MYO16: variants seen among roughly 807,000 people sequenced by gnomAD.
MYO16 encodes myosin XVI, also known as unconventional myosin-XVI.
MYO16 carries 94 observed loss-of-function variants against 205.3 expected under a neutral mutation model. That is an observed-to-expected ratio of 0.46 (90% CI 0.39 to 0.54). The LOEUF (loss-of-function observed/expected upper bound fraction) is 0.54, where lower values mean the gene tolerates loss of function less well. MYO16 is among the 20% of genes least tolerant of loss of function. The pLI, the probability that MYO16 is intolerant of heterozygous loss-of-function variation, is 0.00. For missense variants in MYO16, 2,315 were observed against 2,387.5 expected (o/e 0.97, Z 0.63); for synonymous variants, 988 against 954.0 (o/e 1.04, Z -0.66).
chr13:109,193,142 TCA>T (rs957554308), intron 34 of MYO16, among the ~76,000 whole-genome samples: 2 of 151,762 alleles, frequency 1.3e-5, no homozygotes, highest in African/African-American at 2.4e-5. Flanking sequence ...TCTCTCTCTC[TCA>T]CACACACACA....
the MYO16 span, among the ~76,000 whole-genome samples, chr13:108,579,260 G>T: frequency 6.6e-6 from 1 of 152,096 alleles, no homozygotes; most frequent in Non-Finnish European, 1.5e-5. Context: ...GTTTTCCCAT[G>T]AGTCACCATT....
At chr13:108,966,349 A>G (rs930429296) in intron 20 of MYO16, among the ~76,000 whole-genome samples, 31 of 152,326 alleles carry the variant, frequency 2.0e-4, no homozygotes, top group African/African-American at 6.7e-4. Context: ...AAAAATGAAT[A>G]TATAAGTCCA....
At chr13:109,108,520 A>G (rs1889189406) in intron 28 of MYO16, among the ~76,000 whole-genome samples, 1 of 152,210 alleles carries the variant, frequency 6.6e-6, no homozygotes, top group Admixed American at 6.5e-5. Flanking sequence ...GTTTTCCTCT[A>G]CTTCAAGTTT....
intron 27 of MYO16, among the ~76,000 whole-genome samples, chr13:109,076,130 T>C (rs926304621): frequency 6.6e-6 from 1 of 152,220 alleles, no homozygotes; most frequent in African/African-American, 2.4e-5. Flanking sequence ...CTCTGTTCTC[T>C]GTCTTTTTTT....
chr13:108,660,572 T>C (rs142176139), intron 1 of MYO16, among the ~76,000 whole-genome samples: 2,105 of 152,320 alleles, frequency 0.014, 42 homozygotes, highest in African/African-American at 0.045. Context: ...AGTTTGTTTT[T>C]TTCGGATATA....
rs939572165 is a variant in MYO16 at position 108,924,822 on chromosome 13, G to A, written c.1925+14672G>A. 4.8e-3 allele frequency among the ~76,000 whole-genome samples: 13 copies of A among 2,702 alleles called. No homozygotes were observed. The Non-Finnish European group carries it at 0.11, about 23-fold the overall frequency. 1.8% of individuals were successfully genotyped at this position (2,702 alleles called of 152,430 possible). ...GCTAGAGGGTTTTGTTCAGCTTAAC[G>A]TCTGTTGCCGCACCCTGACGTATTC... On this transcript the variant is annotated intron_variant, in intron 16 of 34. Transcript: ENST00000457511.
chr13:109,191,170 G>T (rs963990883), intron 34 of MYO16, among the ~76,000 whole-genome samples: 1 of 151,962 alleles, frequency 6.6e-6, no homozygotes, highest in African/African-American at 2.4e-5. Context: ...GGTGAGCCAA[G>T]ATCGCGCCAC....
chr13:108,677,351 A>ATATC (rs1882270504), intron 2 of MYO16, among the ~76,000 whole-genome samples: 2 of 85,116 alleles, frequency 2.3e-5, no homozygotes, highest in Non-Finnish European at 5.0e-5. Context: ...ATATATATAT[A>ATATC]TATGCATATA....
chr13:108,653,723 T>C (rs1195746179), intron 1 of MYO16, among the ~76,000 whole-genome samples: 1 of 151,568 alleles, frequency 6.6e-6, no homozygotes, highest in East Asian at 1.9e-4. Context: ...AACATGAATG[T>C]TGTTAGAAAA....
chr13:108,532,533 C>A, the MYO16 span, among the ~76,000 whole-genome samples: 2 of 151,684 alleles, frequency 1.3e-5, no homozygotes, highest in Non-Finnish European at 2.9e-5. Context: ...ATGGCTCATG[C>A]CTGTAATCCC....
At chr13:108,984,859 C>G (rs1050226486) in intron 20 of MYO16, among the ~76,000 whole-genome samples, 3 of 152,172 alleles carry the variant, frequency 2.0e-5, no homozygotes, top group Admixed American at 2.0e-4. Flanking sequence ...CATGAGATCT[C>G]TTAAAGATCA....
intron 27 of MYO16, among the ~76,000 whole-genome samples, chr13:109,069,519 C>G (rs1001497324): frequency 6.6e-6 from 1 of 151,926 alleles, no homozygotes; most frequent in African/African-American, 2.4e-5. Flanking sequence ...AGTCTGGAGG[C>G]TAAAAGTCCA....
intron 23 of MYO16, among the ~76,000 whole-genome samples, chr13:109,038,196 C>T (rs956856493): frequency 2.0e-5 from 3 of 152,116 alleles, no homozygotes; most frequent in African/African-American, 7.2e-5. Context: ...ACTTATGTGT[C>T]GGTTTCACTG....
chr13:108,886,688 G>A (rs905455459), intron 13 of MYO16, among the ~76,000 whole-genome samples: 2 of 125,612 alleles, frequency 1.6e-5, no homozygotes, highest in Non-Finnish European at 3.6e-5. Context: ...CTCTTCCACC[G>A]CAGGCTTGTT....
At chr13:108,735,821 T>A (rs958192575) in intron 4 of MYO16, among the ~76,000 whole-genome samples, 1 of 151,858 alleles carries the variant, frequency 6.6e-6, no homozygotes, top group African/African-American at 2.4e-5. Flanking sequence ...CCTGACTTTT[T>A]AATGATCACC....
chr13:108,689,628 C>CTATT (rs1338539275), intron 2 of MYO16, among the ~76,000 whole-genome samples: 2 of 151,980 alleles, frequency 1.3e-5, no homozygotes, highest in African/African-American at 4.8e-5. Flanking sequence ...GACAAATAAT[C>CTATT]TATTTCCTTG....
chr13:109,091,682 G>A (rs1219283007), intron 27 of MYO16, among the ~76,000 whole-genome samples: 1 of 151,980 alleles, frequency 6.6e-6, no homozygotes, highest in African/African-American at 2.4e-5. Context: ...TTTCTTTCCT[G>A]GTCCTCCTTT....
At chr13:109,012,951 GT>G (rs113571321) in intron 22 of MYO16, among the ~76,000 whole-genome samples, 2,548 of 145,642 alleles carry the variant, frequency 0.017, 75 homozygotes, top group African/African-American at 0.061. Flanking sequence ...TTGCCACCTT[GT>G]TTTTTTTTTG....
At chr13:108,635,082 A>C (rs1880162407) in intron 1 of MYO16, among the ~76,000 whole-genome samples, 1 of 152,218 alleles carries the variant, frequency 6.6e-6, no homozygotes, top group African/African-American at 2.4e-5. Context: ...ATTCTGTTTA[A>C]GTATTTTGGC....
Sources: gnomAD v4.1 joint callset for allele counts (sites outside exome capture counted in the v4.1 genomes callset) on GRCh38, gnomAD v4.1.1 for gene constraint, MANE v1.5 for transcripts, NCBI Gene and HGNC (gene_info 2026-07-23, HGNC 2026-07-21) for gene names.